Variants in UNK observed in about 807,000 individuals in gnomAD.
UNK encodes the protein RING finger protein unkempt homolog.
UNK carries 32 observed loss-of-function variants against 97.6 expected under a neutral mutation model. The ratio of observed to expected loss-of-function variants is 0.33; its 90% CI spans 0.25 to 0.44. The LOEUF (loss-of-function observed/expected upper bound fraction) is 0.44, where lower values mean the gene tolerates loss of function less well. UNK is among the 20% of genes least tolerant of loss of function. The pLI, the probability that UNK is intolerant of heterozygous loss-of-function variation, is 1.00. For missense variants in UNK, 771 were observed against 1,098.4 expected, an observed-to-expected ratio of 0.70 and a Z score of 4.21; for synonymous variants, 441 against 461.2, an observed-to-expected ratio of 0.96 and a Z score of 0.56.
intron 1 of UNK, among the ~76,000 whole-genome samples, chr17:75,798,277 G>A (rs2061824900): frequency 6.6e-6 from 1 of 152,030 alleles, no homozygotes; most frequent in Admixed American, 6.6e-5. Flanking sequence ...TCGCCACGTT[G>A]GCCAGGCTGG....
rs1391021953 is a variant in UNK at position 75,809,802 on chromosome 17, G to T, written c.147G>T (p.Val49=). 6.2e-7 allele frequency: 1 copy of T among 1,613,268 alleles called. No homozygotes were observed. Residue 49 remains valine, a synonymous_variant, in exon 2 of 16, where the codon GTG becomes GTT. Coordinates refer to ENST00000589666, the MANE Select transcript of UNK (RefSeq NM_001080419.3). ...EFRTEQCPLF[V]QHKCTQHRPY... Reference sequence around the variant, plus strand: ...GCACAGAGCAGTGCCCACTCTTTGTGCAACACAAATGCACGCAGCATCGGC... The same window carrying T: ...GCACAGAGCAGTGCCCACTCTTTGTTCAACACAAATGCACGCAGCATCGGC...
intron 1 of UNK, among the ~76,000 whole-genome samples, chr17:75,801,797 C>G (rs1486040504): frequency 6.6e-6 from 1 of 151,264 alleles, no homozygotes; most frequent in Non-Finnish European, 1.5e-5. Context: ...CCCGTCTCAG[C>G]CTCGCAAAGT....
rs141647582 is a variant in UNK at position 75,794,160 on chromosome 17, A to G, written c.104+9176A>G. On this transcript the variant is annotated intron_variant, in intron 1 of 15. Coordinates refer to ENST00000589666, the MANE Select transcript of UNK (RefSeq NM_001080419.3). ...AAGAGTACTTTATAATGAATACAAAAATGTATATTAAATATCCAGTAGAGC... is the reference window on the plus strand; with the variant it reads ...AAGAGTACTTTATAATGAATACAAAGATGTATATTAAATATCCAGTAGAGC... 1.2e-5 allele frequency: 12 copies of G among 972,754 alleles called. No individual in the cohort carries two copies. The East Asian group carries it at 1.3e-3, about 102-fold the overall frequency. 60.3% of individuals were successfully genotyped at this position (972,754 alleles called of 1,614,324 possible). A position where few individuals can be genotyped will look rare whatever the true frequency, so the allele number is the denominator to read the frequency against.
chr17:75,796,632 A>G (rs1402220876), intron 1 of UNK, among the ~76,000 whole-genome samples: 1 of 152,188 alleles, frequency 6.6e-6, no homozygotes, highest in Non-Finnish European at 1.5e-5. Context: ...ACTAAAAGCC[A>G]TTTTTAGTAA....
chr17:75,805,194 A>T (rs1034677394), intron 1 of UNK, among the ~76,000 whole-genome samples: 148 of 150,724 alleles, frequency 9.8e-4, no homozygotes, highest in Non-Finnish European at 1.4e-3. Context: ...AAAAAAAAAA[A>T]ATATTATATG....
At chr17:75,823,941 G>C (rs564755676) in intron 15 of UNK, among the ~76,000 whole-genome samples, 12 of 152,164 alleles carry the variant, frequency 7.9e-5, no homozygotes, top group African/African-American at 2.9e-4. Flanking sequence ...CTCTGTTCTC[G>C]GGCAGCCAAG....
At chr17:75,804,287 C>T (rs2061890090) in intron 1 of UNK, among the ~76,000 whole-genome samples, 1 of 151,260 alleles carries the variant, frequency 6.6e-6, no homozygotes, top group African/African-American at 2.4e-5. Flanking sequence ...AACCCCATCT[C>T]TACCAAAAAA....
Position 75,818,569 on chromosome 17 carries a change from C to CCT in UNK, c.1372-69_1372-68dup. The CCT allele has an allele frequency of 6.7e-7, 1 of 1,495,438 alleles. No individual in the cohort carries two copies. Among genetic ancestry groups the CCT allele is most frequent in the South Asian group, 1.3e-5 (1 of 76,066 alleles). 92.6% of individuals were successfully genotyped at this position (1,495,438 alleles called of 1,614,324 possible). On this transcript the variant is annotated intron_variant, in intron 10 of 15. Transcript: ENST00000589666. This position sits in a 1 kb window ranked among gnomAD's most constrained non-coding sequence, Gnocchi z 5.1. ...CGGGCCATTTCCCTTGCCCCCAGCCCCTCTCCAGCCTCTCGTCCTGGCCTC... is the reference window on the plus strand; with the variant it reads ...CGGGCCATTTCCCTTGCCCCCAGCCCCTCTCTCCAGCCTCTCGTCCTGGCCTC...
In UNK at chr17:75,812,523, C is replaced by T. The variant is rs769737495; in HGVS notation, c.560C>T (p.Ser187Leu). 5.0e-6 allele frequency: 8 copies of T among 1,612,714 alleles called. No homozygotes were observed. The highest frequency in any genetic ancestry group is 2.2e-5 in the East Asian group (1 of 44,874). ...GTAGAGGGGAGCATAGAGGGCCAGT[C>T]GGCTGGGGCTGCGAGCCATGCCATG... Reference protein sequence around the residue: ...TTVEGSIEGQSAGAASHAMIE... With the variant: ...TTVEGSIEGQLAGAASHAMIE... Residue 187 changes from serine to leucine, a missense_variant, in exon 4 of 16, where the codon TCG (serine) becomes TTG (leucine). Ser to Leu is a moderately radical substitution (Grantham distance 145). Transcript: ENST00000589666.
At position 75,817,903 on chromosome 17, in the gene UNK, G is replaced by A. The variant is rs1001800111; in HGVS notation, c.1306-200G>A. On this transcript the variant is annotated intron_variant, in intron 9 of 15. Coordinates refer to ENST00000589666, the MANE Select transcript of UNK (RefSeq NM_001080419.3). The surrounding 1 kb of genome is among the most constrained non-coding windows in gnomAD (Gnocchi z 5.8). ...GGCTTACATGAGGCCTAGTGTCACCGGGAGGAGAAGGGCAGCTCCCTGCTT... is the reference window on the plus strand; with the variant it reads ...GGCTTACATGAGGCCTAGTGTCACCAGGAGGAGAAGGGCAGCTCCCTGCTT... Among the ~76,000 whole-genome samples the A allele has an allele frequency of 3.9e-5, 6 of 152,082 alleles. No homozygotes were observed. The highest frequency in any genetic ancestry group is 5.9e-5 in the Non-Finnish European group (4 of 67,988).
intron 13 of UNK, 82 bp downstream of exon 13, chr17:75,820,190 G>A (rs1055121793): frequency 3.3e-5 from 47 of 1,427,968 alleles, no homozygotes; most frequent in South Asian, 4.0e-5. Context: ...CCCCATCTAC[G>A]GCATATCAGC....
At chr17:75,787,154 G>T (rs1446778325) in intron 1 of UNK, among the ~76,000 whole-genome samples, 2 of 152,164 alleles carry the variant, frequency 1.3e-5, no homozygotes, top group African/African-American at 2.4e-5. Context: ...TCCTCCTAGG[G>T]CTGAGGTGCA....
chr17:75,814,318 G>C (rs2061997650), intron 6 of UNK, among the ~76,000 whole-genome samples: 1 of 151,744 alleles, frequency 6.6e-6, no homozygotes, highest in Non-Finnish European at 1.5e-5. Flanking sequence ...CCTGCAACAT[G>C]CTATCTCTAC....
intron 3 of UNK, 72 bp from the exon 4 acceptor site, chr17:75,812,383 G>A: frequency 6.3e-7 from 1 of 1,583,584 alleles, no homozygotes. Context: ...GACTGCAGTG[G>A]AGGGCTGGCA....
At chr17:75,788,632 G>T (rs977640333) in intron 1 of UNK, among the ~76,000 whole-genome samples, 4 of 152,040 alleles carry the variant, frequency 2.6e-5, no homozygotes, top group Middle Eastern at 3.2e-3. Context: ...GATTACAGGT[G>T]TGAGCCACCG....
Position 75,784,813 on chromosome 17 carries a change from G to A in UNK, c.-68G>A. ...TCGTGGCGCGGCGCAGGCGCACTGG[G>A]TCCTCGGCGCGGACCGCGCAGACTG... On this transcript the variant is annotated 5_prime_UTR_variant, in exon 1 of 16. Coordinates refer to ENST00000589666, the MANE Select transcript of UNK (RefSeq NM_001080419.3). 1 of 1,506,804 alleles carries A rather than the reference G, an allele frequency of 6.6e-7. No homozygotes were observed. The highest frequency in any genetic ancestry group is 9.2e-7 in the Non-Finnish European group (1 of 1,083,126). The allele number at this position is 1,506,804 out of a possible 1,614,324, so 93.3% of individuals were successfully genotyped here.
chr17:75,815,206 C>T lies in UNK; in HGVS notation c.914C>T (p.Ser305Leu), dbSNP rs2062006574. ...KSTKCNDMQQ[S>L]GSCPRGPFCA... ...ACCAAGTGCAACGACATGCAGCAGT[C>T]GGGCAGCTGTCCCCGAGGACCCTTC... The change falls in exon 7 of 16, where the codon TCG (serine) becomes TTG (leucine). Residue 305 changes from serine (S) to leucine (L), a missense_variant. Physicochemically the swap from Ser to Leu is moderately radical, Grantham distance 145 (BLOSUM62 -2). This residue lies in a region of UNK where 246 missense variants were observed against 440.7 expected (regional missense o/e 0.56). Coordinates refer to ENST00000589666, the MANE Select transcript of UNK (RefSeq NM_001080419.3). 3 of 1,613,550 alleles carry T rather than the reference C, an allele frequency of 1.9e-6. No individual in the cohort carries two copies. Among genetic ancestry groups the T allele is most frequent in the Non-Finnish European group, 2.5e-6 (3 of 1,179,760 alleles).
At position 75,813,224 on chromosome 17, in the gene UNK, C is replaced by T; in HGVS notation, c.758+11C>T. ...GAAGCACAAATACAGGTCCTTAGGC[C>T]CCAGGAGGCCAGCCACGGGAGGGAG... On this transcript the variant is annotated intron_variant, in intron 5 of 15. Coordinates refer to ENST00000589666, the MANE Select transcript of UNK (RefSeq NM_001080419.3). The T allele has an allele frequency of 6.4e-7, 1 of 1,568,932 alleles. No individual in the cohort carries two copies. The highest frequency in any genetic ancestry group is 8.6e-7 in the Non-Finnish European group (1 of 1,158,120).
At chr17:75,785,302 A>C (rs1353533178) in intron 1 of UNK, 1 of 284,112 alleles carries the variant, frequency 3.5e-6, no homozygotes, top group African/African-American at 2.3e-5. Flanking sequence ...CCACAGTAGT[A>C]GGCTCCTTTG....
Sources: gnomAD v4.1 joint callset for allele counts (sites outside exome capture counted in the v4.1 genomes callset) on GRCh38, gnomAD v4.1.1 for gene constraint, gnomAD v4.1.1 regional missense constraint, Gnocchi (gnomAD v3.1) non-coding constraint, MANE v1.5 for transcripts, NCBI Gene and HGNC (gene_info 2026-07-23, HGNC 2026-07-21) for gene names.